EPPK1: variants seen among roughly 807,000 people sequenced by gnomAD.
EPPK1 encodes epiplakin.
For missense variants in EPPK1, 3,823 were observed against 3,673.3 expected (o/e 1.04, Z -1.05); for synonymous variants, 1,862 against 1,721.2 (o/e 1.08, Z -2.03).
At position 143,866,866 on chromosome 8, in the gene EPPK1, A is replaced by G. The variant is rs371109688; in HGVS notation, c.6388T>C (p.Tyr2130His). Residue 2130 changes from tyrosine (Y) to histidine (H), a missense_variant, in exon 2 of 2, where the codon TAC (tyrosine) becomes CAC (histidine). Tyr to His is a moderately conservative substitution (Grantham distance 83, BLOSUM62 2). Transcript: ENST00000615648. ...TGGAGCTTCTTCTCCTCTGTCACGT[A>G]TTCGGAATTCAGTAGTGCCCACAGT... Reference protein sequence around the residue: ...PTLWALLNSEYVTEEKKLQLV... With the variant: ...PTLWALLNSEHVTEEKKLQLV... 5 of 1,613,110 alleles carry G rather than the reference A, an allele frequency of 3.1e-6. No individual in the cohort carries two copies. In the South Asian group the frequency reaches 3.3e-5, roughly 11 times the overall value.
At position 143,869,667 on chromosome 8, in the gene EPPK1, AC is replaced by A; in HGVS notation, c.3586del (p.Val1196CysfsTer43). The A allele has an allele frequency of 6.3e-7, 1 of 1,596,196 alleles. No individual in the cohort carries two copies. Among genetic ancestry groups the A allele is most frequent in the Admixed American group, 1.7e-5 (1 of 57,500 alleles). The stretch of plus-strand genomic sequence containing the variant: ...GGGTACCTCACCCCGTGGGCCGGGC[AC>A]CATGACGCGGGCCTGGGCCAGGAGC... ...TKLLAQARVM[V>X]PGPRGEVPAV... On this transcript the variant is annotated frameshift_variant, in exon 2 of 2. Transcript: ENST00000615648. LOFTEE classifies it low-confidence loss of function (END_TRUNC).
At chr8:143,878,356 A>ACCCGCACCCGCCGCACCCG (rs1819522688) in intron 1 of EPPK1, 82 bp downstream of exon 1, 2 of 45,246 alleles carry the variant, frequency 4.4e-5, no homozygotes, top group Non-Finnish European at 5.1e-5. Flanking sequence ...CCGAGCCCGC[A>ACCCGCACCCGCCGCACCCG]CCCGCACCCG....
upstream of EPPK1, among the ~76,000 whole-genome samples, chr8:143,879,183 C>A (rs1586708113): frequency 3.9e-5 from 6 of 152,300 alleles, no homozygotes; most frequent in African/African-American, 1.4e-4. Context: ...GGGAACCTTC[C>A]ATGGATCTTC....
chr8:143,867,415 G>A lies in EPPK1; in HGVS notation c.5839C>T (p.Gln1947Ter). 6.2e-7 allele frequency: 1 copy of A among 1,612,806 alleles called. No individual in the cohort carries two copies. The highest frequency in any genetic ancestry group is 8.5e-7 in the Non-Finnish European group (1 of 1,179,866). ...ACAGCCTCATCCACAGAGAGCTTCT[G>A]GCGGGTGCAGGGGTCCAGGAGGAAC... is the stretch of plus-strand genomic sequence containing the variant. ...TGFLLDPCTR[Q>*]KLSVDEAVDV... Residue 1947 changes from glutamine (Q) to a stop codon, truncating the protein, a stop_gained, in exon 2 of 2, where the codon CAG becomes TAG. Transcript: ENST00000615648. LOFTEE classifies it low-confidence loss of function (END_TRUNC).
In EPPK1 at chr8:143,870,273, C is replaced by T; in HGVS notation, c.2981G>A (p.Gly994Glu). 1 of 1,592,792 alleles carries T rather than the reference C, an allele frequency of 6.3e-7. No homozygotes were observed. Among genetic ancestry groups the T allele is most frequent in the Non-Finnish European group, 8.5e-7 (1 of 1,173,654 alleles). Residue 994 changes from glycine to glutamate, a missense_variant, in exon 2 of 2, where the codon GGG becomes GAG. By Grantham distance (98) the Gly-to-Glu change is moderately conservative. Transcript: ENST00000615648. The surrounding 1 kb of genome is among the most constrained non-coding windows in gnomAD (Gnocchi z 5.2). Reference sequence around the variant, plus strand: ...CTTCAGCCTGCCATACAGCTCCGGCCCCACCACACCCCTGCGCACGGCCTC... The same window carrying T: ...CTTCAGCCTGCCATACAGCTCCGGCTCCACCACACCCCTGCGCACGGCCTC... ...VDEAVRRGVV[G>E]PELYGRLKRA...
intron 1 of EPPK1, among the ~76,000 whole-genome samples, chr8:143,875,735 C>A (rs1244058157): frequency 6.6e-6 from 1 of 152,266 alleles, no homozygotes; most frequent in African/African-American, 2.4e-5. Flanking sequence ...TCACAGTCTG[C>A]CCCAGCCAAA....
rs1395297000 is a variant in EPPK1, at chr8:143,867,130, C to T, written c.6124G>A (p.Ala2042Thr). The change falls in exon 2 of 2, where the codon GCG becomes ACG. Residue 2042 changes from alanine (A) to threonine (T), a missense_variant. Transcript: ENST00000615648. ...RRGCLHKDIY[A>T]LISDQKHMRK... ...ATGTGCTTCTGGTCGGAAATGAGCG[C>T]ATAGATGTCCTTGTGCAGACAGCCC... The T allele has an allele frequency of 7.4e-6, 12 of 1,612,808 alleles. No individual in the cohort carries two copies. The highest frequency in any genetic ancestry group is 9.3e-6 in the Non-Finnish European group (11 of 1,179,786).
chr8:143,876,868 G>T (rs1819489810), intron 1 of EPPK1, among the ~76,000 whole-genome samples: 2 of 152,328 alleles, frequency 1.3e-5, no homozygotes, highest in African/African-American at 4.8e-5. Flanking sequence ...GCGGGCCAGG[G>T]TGGGGCAGGG....
Position 143,877,095 on chromosome 8 carries a change from G to A in EPPK1, c.-46+1343C>T, listed in dbSNP as rs377717762. On this transcript the variant is annotated intron_variant, in intron 1 of 1. Coordinates refer to ENST00000615648, the MANE Select transcript of EPPK1 (RefSeq NM_031308.4). Reference sequence around the variant, plus strand: ...GGAGTCGGGGGCAGGCTTGCCCTGCGTGTGTGAGTGTGCCTGCCAGTGCAT... The same window carrying A: ...GGAGTCGGGGGCAGGCTTGCCCTGCATGTGTGAGTGTGCCTGCCAGTGCAT... 7.9e-5 allele frequency among the ~76,000 whole-genome samples: 12 copies of A among 152,374 alleles called. No individual in the cohort carries two copies. In the East Asian group the frequency reaches 1.7e-3, roughly 22 times the overall value.
Position 143,870,499 on chromosome 8 carries a change from T to C in EPPK1, c.2755A>G (p.Met919Val). 1 of 1,606,972 alleles carries C rather than the reference T, an allele frequency of 6.2e-7. No homozygotes were observed. The change falls in exon 2 of 2, where the codon ATG becomes GTG. Residue 919 changes from methionine (M) to valine (V), a missense_variant. Met to Val is a conservative substitution (Grantham distance 21, BLOSUM62 1). Transcript: ENST00000615648. The surrounding 1 kb of genome is among the most constrained non-coding windows in gnomAD (Gnocchi z 5.2). ...CACAGGTACCTGCGGACGCCGTCCA[T>C]GAGTAGGAGGGCCTCCGGGCTGATT... ...GTISPEALLL[M>V]DGVRRYLCGL...
rs373872149 is a variant in EPPK1 at position 143,866,759 on chromosome 8, C to A, written c.6495G>T (p.Gln2165His). The change falls in exon 2 of 2, where the codon CAG becomes CAT. Residue 2165 changes from glutamine to histidine, a missense_variant. Gln to His is a conservative substitution (Grantham distance 24). Coordinates refer to ENST00000615648, the MANE Select transcript of EPPK1 (RefSeq NM_031308.4). ...ACCACAGGTGTTTGTTGCTGGTTTCCTGCTTCTCGATCAACTCTAAGATGA... is the reference window on the plus strand; with the variant it reads ...ACCACAGGTGTTTGTTGCTGGTTTCATGCTTCTCGATCAACTCTAAGATGA... Reference protein sequence around the residue: ...AQLILELIEKQETSNKHLWFQ... With the variant: ...AQLILELIEKHETSNKHLWFQ... 4.2e-5 allele frequency: 67 copies of A among 1,613,402 alleles called. No homozygotes were observed. The Middle Eastern group carries it at 4.9e-4, about 12-fold the overall frequency.
At position 143,866,620 on chromosome 8, in the gene EPPK1, C is replaced by A. The variant is rs781922272; in HGVS notation, c.6634G>T (p.Glu2212Ter). ...AGGTAGCGCTTGACGCGGTCGTCCT[C>A]CATGAGCTCTTGCGTCGTGCTCCGT... ...TGRSTTQELM[E>*]DDRVKRYLEG... is the part of the protein sequence containing the mutation. Residue 2212 changes from glutamate (E) to a stop codon, truncating the protein, a stop_gained, in exon 2 of 2, where the codon GAG becomes TAG. Transcript: ENST00000615648. LOFTEE classifies it low-confidence loss of function (END_TRUNC). 6.2e-7 allele frequency: 1 copy of A among 1,612,944 alleles called. No homozygotes were observed. The highest frequency in any genetic ancestry group is 8.5e-7 in the Non-Finnish European group (1 of 1,179,878).
rs200293863 is a variant in EPPK1 at position 143,868,181 on chromosome 8, G to A, written c.5073C>T (p.Ile1691=). Residue 1691 remains isoleucine, a synonymous_variant, in exon 2 of 2, where the codon ATC becomes ATT. Transcript: ENST00000615648. ...LEAQIATGGI[I]DPVHSHRVPV... ...GCACGCGGTGGCTGTGCACGGGGTC[G>A]ATGATGCCGCCCGTGGCGATCTGGG... 2,238 of 1,613,072 alleles carry A rather than the reference G, an allele frequency of 1.4e-3. 2 individuals are homozygous for A. The highest frequency in any genetic ancestry group is 1.7e-3 in the Non-Finnish European group (2,012 of 1,179,982).
At position 143,868,820 on chromosome 8, in the gene EPPK1, A is replaced by T. The variant is rs782112444; in HGVS notation, c.4434T>A (p.Val1478=). ...SLWDLLLSEY[V]GADKRRELVA... is the part of the protein sequence containing the mutation. ...CCAGCTCCCGCCGCTTGTCAGCGCC[A>T]ACGTATTCGGAGAGCAGCAGGTCCC... is the stretch of plus-strand genomic sequence containing the variant. The change falls in exon 2 of 2, where the codon GTT becomes GTA. Residue 1478 remains valine (V), a synonymous_variant. Transcript: ENST00000615648. The T allele has an allele frequency of 6.2e-7, 1 of 1,605,716 alleles. No homozygotes were observed. The highest frequency in any genetic ancestry group is 2.2e-5 in the East Asian group (1 of 44,866).
In EPPK1 at chr8:143,871,737, C is replaced by T. The variant is rs531865050; in HGVS notation, c.1517G>A (p.Arg506Gln). The T allele has an allele frequency of 3.7e-5, 59 of 1,609,548 alleles. No individual in the cohort carries two copies. The highest frequency in any genetic ancestry group is 3.3e-4 in the Middle Eastern group (2 of 6,056). The change falls in exon 2 of 2, where the codon CGG becomes CAG. Residue 506 changes from arginine (R) to glutamine (Q), a missense_variant. Physicochemically the swap from Arg to Gln is conservative, Grantham distance 43. Transcript: ENST00000615648. ...GAGCAGCTCCCAGAGGGACACGGGC[C>T]GGCCCCGGAACTTCCCCACAGAGAC... ...ATVSVGKFRG[R>Q]PVSLWELLFS...
rs1364281326 is a variant in EPPK1 at position 143,866,308 on chromosome 8, C to T, written c.6946G>A (p.Gly2316Arg). 42 of 519,862 alleles carry T rather than the reference C, an allele frequency of 8.1e-5. No individual in the cohort carries two copies. The highest frequency in any genetic ancestry group is 3.0e-4 in the East Asian group (10 of 33,202). The allele number at this position is 519,862 out of a possible 1,614,324, so 32.2% of individuals were successfully genotyped here. A position where few individuals can be genotyped will look rare whatever the true frequency, so the allele number is the denominator to read the frequency against. ...GCCTGGAAGAGGGAGATCTGCTGCC[C>T]GGTGTAGGGGTCGGTGTAGCCGGTG... ...AVTGYTDPYT[G>R]QQISLFQAMQ... Residue 2316 changes from glycine (G) to arginine (R), a missense_variant, in exon 2 of 2, where the codon GGG becomes AGG. By Grantham distance (125) the Gly-to-Arg change is moderately radical. Coordinates refer to ENST00000615648, the MANE Select transcript of EPPK1 (RefSeq NM_031308.4).
Position 143,871,922 on chromosome 8 carries a change from G to T in EPPK1, c.1332C>A (p.Gly444=). The T allele has an allele frequency of 6.2e-7, 1 of 1,603,806 alleles. No homozygotes were observed. Among genetic ancestry groups the T allele is most frequent in the Admixed American group, 1.7e-5 (1 of 59,826 alleles). The stretch of plus-strand genomic sequence containing the variant: ...CCAGCAGCTGTTCATAGCGCAGGCC[G>T]CCGTGCGTGCCGTCTGAGAAGCTGC... ...QAGSFSDGTH[G]GLRYEQLLAL... Residue 444 remains glycine (G), a synonymous_variant, in exon 2 of 2, where the codon GGC becomes GGA. Coordinates refer to ENST00000615648, the MANE Select transcript of EPPK1 (RefSeq NM_031308.4).
rs983209060 is a variant in EPPK1 at position 143,872,213 on chromosome 8, C to G, written c.1041G>C (p.Leu347=). 6.2e-7 allele frequency: 1 copy of G among 1,607,758 alleles called. No individual in the cohort carries two copies. Among genetic ancestry groups the G allele is most frequent in the African/African-American group, 1.3e-5 (1 of 74,880 alleles). The part of the protein sequence containing the change: ...LWVDEAVRAG[L]VSPELHEQLL... ...GCTGCTCATGGAGCTCTGGGCTGAC[C>G]AGGCCCGCCCTGACTGCCTCGTCTA... The change falls in exon 2 of 2, where the codon CTG becomes CTC. Residue 347 remains leucine (L), a synonymous_variant. Coordinates refer to ENST00000615648, the MANE Select transcript of EPPK1 (RefSeq NM_031308.4).
At position 143,872,992 on chromosome 8, in the gene EPPK1, C is replaced by T. The variant is rs782397354; in HGVS notation, c.262G>A (p.Ala88Thr). The change falls in exon 2 of 2, where the codon GCC (alanine) becomes ACC (threonine). Residue 88 changes from alanine (A) to threonine (T), a missense_variant. Transcript: ENST00000615648. Reference protein sequence around the residue: ...QAATGGLVDLARGQLLPVSKA... With the variant: ...QAATGGLVDLTRGQLLPVSKA... The stretch of plus-strand genomic sequence containing the variant: ...GACACAGGGAGCAGCTGGCCCCGGG[C>T]GAGGTCCACCAGGCCCCCAGTGGCT... The T allele has an allele frequency of 1.2e-5, 19 of 1,581,246 alleles. No homozygotes were observed. The highest frequency in any genetic ancestry group is 5.7e-5 in the South Asian group (5 of 87,764).
Sources: gnomAD v4.1 joint callset for allele counts (sites outside exome capture counted in the v4.1 genomes callset) on GRCh38, gnomAD v4.1.1 for gene constraint, Gnocchi (gnomAD v3.1) non-coding constraint, MANE v1.5 for transcripts, NCBI Gene and HGNC (gene_info 2026-07-23, HGNC 2026-07-21) for gene names.